Variants in PCDH15 observed in about 807,000 individuals in gnomAD.
The protein encoded by PCDH15 is protocadherin-15.
A neutral mutation model predicts 178.5 loss-of-function variants in PCDH15; 129 were observed. The observed-to-expected ratio is 0.72, with a 90% CI of 0.63 to 0.84. The LOEUF is 0.84. Among genes scored for constraint, PCDH15 ranks in the 40% least tolerant of loss-of-function variants. The pLI is 0.00. For synonymous variants in PCDH15, 800 were observed against 732.0 expected (o/e 1.09, Z -1.50); for missense variants, 2,230 against 2,099.9 (o/e 1.06, Z -1.21).
chr10:54,580,635 A>G (rs2090947720), intron 2 of PCDH15, among the ~76,000 whole-genome samples: 1 of 152,194 alleles, frequency 6.6e-6, no homozygotes, highest in Admixed American at 6.6e-5. Context: ...CCTGGCAGAT[A>G]AACAATGAAA....
At chr10:54,563,269 G>A (rs2133400274) in intron 2 of PCDH15, among the ~76,000 whole-genome samples, 1 of 101,814 alleles carries the variant, frequency 9.8e-6, no homozygotes, top group African/African-American at 3.6e-5. Flanking sequence ...CTAAGACTGA[G>A]TCTACTGTTA....
chr10:54,487,257 C>T (rs2079175429), intron 3 of PCDH15, among the ~76,000 whole-genome samples: 1 of 151,938 alleles, frequency 6.6e-6, no homozygotes, highest in African/African-American at 2.4e-5. Flanking sequence ...AGACAAATAT[C>T]ACATGTTTTC....
At chr10:53,945,674 GTTTT>G (rs935318901) in intron 23 of PCDH15, among the ~76,000 whole-genome samples, 18 of 151,410 alleles carry the variant, frequency 1.2e-4, no homozygotes, top group Admixed American at 4.6e-4. Flanking sequence ...AGAACATGCA[GTTTT>G]TTTCTCTGTG....
chr10:55,536,065 T>C (rs186693724), intron 2 of PCDH15, among the ~76,000 whole-genome samples: 88 of 152,170 alleles, frequency 5.8e-4, no homozygotes, highest in Non-Finnish European at 1.0e-3. Context: ...ATAGCATCTA[T>C]ACTAAAAAGG....
At chr10:53,839,202 CAAAA>C (rs758823713) in intron 29 of PCDH15, among the ~76,000 whole-genome samples, 1 of 74,614 alleles carries the variant, frequency 1.3e-5, no homozygotes, top group Non-Finnish European at 2.5e-5. Flanking sequence ...GTCTCCGTCT[CAAAA>C]AAAAAAAAAA....
intron 4 of PCDH15, among the ~76,000 whole-genome samples, chr10:54,375,078 C>T (rs1312551674): frequency 6.6e-6 from 1 of 152,050 alleles, no homozygotes; most frequent in Admixed American, 6.6e-5. Context: ...CTAACTGTTG[C>T]TAAAAAGATG....
At chr10:55,389,301 ACT>A (rs2132011350) in intron 2 of PCDH15, among the ~76,000 whole-genome samples, 2 of 152,006 alleles carry the variant, frequency 1.3e-5, no homozygotes, top group East Asian at 3.9e-4. Flanking sequence ...CAGCAAAGCA[ACT>A]CTGTTAGACA....
chr10:55,144,594 C>A (rs940987077), intron 2 of PCDH15, among the ~76,000 whole-genome samples: 16 of 151,888 alleles, frequency 1.1e-4, no homozygotes, highest in Admixed American at 1.1e-3. Flanking sequence ...AAGGTTAGAC[C>A]CAGAGCAGGT....
chr10:54,693,178 C>T (rs1212903425), intron 1 of PCDH15, among the ~76,000 whole-genome samples: 2 of 151,880 alleles, frequency 1.3e-5, no homozygotes, highest in Non-Finnish European at 2.9e-5. Flanking sequence ...AGAAATAAAA[C>T]CATTCTTAGG....
chr10:55,047,216 C>A (rs1841030502), intron 2 of PCDH15, among the ~76,000 whole-genome samples: 1 of 151,668 alleles, frequency 6.6e-6, no homozygotes, highest in South Asian at 2.1e-4. Flanking sequence ...CTATTTAATT[C>A]TTGGTACATA....
chr10:55,132,431 A>G (rs1430486326), intron 2 of PCDH15, among the ~76,000 whole-genome samples: 2 of 152,216 alleles, frequency 1.3e-5, no homozygotes, highest in African/African-American at 4.8e-5. Context: ...GTAAGAGAGT[A>G]GTAGCATTTG....
intron 14 of PCDH15, among the ~76,000 whole-genome samples, chr10:54,148,416 G>T (rs949361742): frequency 6.6e-6 from 1 of 151,976 alleles, no homozygotes; most frequent in Non-Finnish European, 1.5e-5. Flanking sequence ...ATCATCTCGA[G>T]ATTACTTGTA....
At chr10:55,207,839 C>T (rs2248593) in intron 1 of PCDH15, among the ~76,000 whole-genome samples, 28,306 of 151,900 alleles carry the variant, frequency 0.19, 3,296 homozygotes, top group East Asian at 0.34. Flanking sequence ...CGTGGTGGCA[C>T]ACACCTGTAA....
chr10:54,467,601 G>GTTTTTTTTTTTTTTTTTTTTTTTTTTGT (rs67776985), intron 3 of PCDH15, among the ~76,000 whole-genome samples: 1 of 45,670 alleles, frequency 2.2e-5, no homozygotes, highest in Non-Finnish European at 3.9e-5. Context: ...TCAAGCTGTA[G>GTTTTTTTTTTTTTTTTTTTTTTTTTTGT]TTTTTTTTTT....
intron 5 of PCDH15, among the ~76,000 whole-genome samples, chr10:54,362,944 G>T (rs1315954360): frequency 6.6e-6 from 1 of 151,900 alleles, no homozygotes; most frequent in Non-Finnish European, 1.5e-5. Flanking sequence ...AATCTGGAAA[G>T]GTTATACTCG....
At chr10:55,332,484 T>C (rs995367214) in intron 2 of PCDH15, among the ~76,000 whole-genome samples, 2 of 152,188 alleles carry the variant, frequency 1.3e-5, no homozygotes, top group African/African-American at 2.4e-5. Flanking sequence ...ACACTAAAAA[T>C]ATATCTCATA....
chr10:53,946,500 G>C (rs2086586744), intron 23 of PCDH15, among the ~76,000 whole-genome samples: 2 of 151,882 alleles, frequency 1.3e-5, no homozygotes, highest in Non-Finnish European at 2.9e-5. Flanking sequence ...AGTTTTTTTG[G>C]ACTGGCCTCT....
At chr10:54,142,494 T>C (rs1349345409) in intron 14 of PCDH15, among the ~76,000 whole-genome samples, 1 of 152,074 alleles carries the variant, frequency 6.6e-6, no homozygotes, top group Non-Finnish European at 1.5e-5. Flanking sequence ...TGTGAGATGG[T>C]GAGGGACAAT....
chr10:55,380,853 C>A (rs909118483), intron 2 of PCDH15, among the ~76,000 whole-genome samples: 21 of 152,124 alleles, frequency 1.4e-4, no homozygotes, highest in African/African-American at 4.6e-4. Context: ...AAACGTCAGA[C>A]CCTTCACAGT....
Sources: allele counts gnomAD v4.1 joint callset (sites outside exome capture counted in the v4.1 genomes callset), GRCh38; gene constraint gnomAD v4.1.1; transcripts MANE v1.5; gene names NCBI Gene and HGNC (gene_info 2026-07-23, HGNC 2026-07-21).